Variants in ALK observed in about 807,000 individuals in gnomAD.
The protein encoded by ALK is ALK tyrosine kinase receptor.
Under a neutral mutation model 163.1 loss-of-function variants are expected in ALK, and 74 were observed. That is an observed-to-expected ratio of 0.45 (90% CI 0.38 to 0.55). The LOEUF is 0.55. Among genes scored for constraint, ALK ranks in the 20% least tolerant of loss-of-function variants. The probability of loss-of-function intolerance (pLI) is 0.00; values close to 1 mark genes in which losing one functional copy is unlikely to be tolerated. For missense variants in ALK, 2,063 were observed against 2,105.3 expected, an observed-to-expected ratio of 0.98 and a Z score of 0.39; for synonymous variants, 960 against 843.2, an observed-to-expected ratio of 1.14 and a Z score of -2.40.
At position 29,350,203 on chromosome 2, in the gene ALK, A is replaced by G. The variant is rs187117974; in HGVS notation, c.1283-21722T>C. 2.6e-5 allele frequency among the ~76,000 whole-genome samples: 4 copies of G among 152,352 alleles called. No individual in the cohort carries two copies. The East Asian group carries it at 7.7e-4, about 29-fold the overall frequency. On this transcript the variant is annotated intron_variant, in intron 5 of 28. Coordinates refer to ENST00000389048, the MANE Select transcript of ALK (RefSeq NM_004304.5). The stretch of plus-strand genomic sequence containing the variant: ...GAACTATCCTGATACATAACTCCAG[A>G]GCATTCTATGTGAGGTCTATCGGGA...
rs147591347 is a variant in ALK at position 29,728,977 on chromosome 2, T to C, written c.668-11280A>G. On this transcript the variant is annotated intron_variant, in intron 1 of 28. Coordinates refer to ENST00000389048, the MANE Select transcript of ALK (RefSeq NM_004304.5). Reference sequence around the variant, plus strand: ...GCCTCCAGATCAACCTAGAAGGCCATCTAAAACTGCTACCTAAAATGGCTC... The same window carrying C: ...GCCTCCAGATCAACCTAGAAGGCCACCTAAAACTGCTACCTAAAATGGCTC... Among the ~76,000 whole-genome samples the C allele has an allele frequency of 4.9e-3, 739 of 152,266 alleles. 9 individuals carry two copies. The highest frequency in any genetic ancestry group is 0.01 in the African/African-American group (427 of 41,552).
rs547465094 is a variant in ALK, at chr2:29,909,407, C to T, written c.667+10586G>A. Among the ~76,000 whole-genome samples the T allele has an allele frequency of 2.6e-5, 4 of 151,584 alleles. No homozygotes were observed. The East Asian group carries it at 7.8e-4, about 30-fold the overall frequency. The stretch of plus-strand genomic sequence containing the variant: ...TTGGTGTCTAGAAAGGCTGAAGCAG[C>T]TCGAATTTCCAGGGAGCAAACCAGA... On this transcript the variant is annotated intron_variant, in intron 1 of 28. Coordinates refer to ENST00000389048, the MANE Select transcript of ALK (RefSeq NM_004304.5).
intron 5 of ALK, among the ~76,000 whole-genome samples, chr2:29,355,002 G>A (rs1242778400): frequency 1.3e-5 from 2 of 152,150 alleles, no homozygotes; most frequent in East Asian, 1.9e-4. Flanking sequence ...TCCTGACCTC[G>A]TGATCCACCT....
rs140542591 is a variant in ALK at position 29,919,894 on chromosome 2, G to A, written c.667+99C>T. On this transcript the variant is annotated intron_variant, in intron 1 of 28. Coordinates refer to ENST00000389048, the MANE Select transcript of ALK (RefSeq NM_004304.5). The stretch of plus-strand genomic sequence containing the variant: ...AGGAGGGCGATGAAGCAGAGCTGAG[G>A]TTTTAGAAAGTGGGGTGGAAGTGAA... 4,151 of 1,443,466 alleles carry A rather than the reference G, an allele frequency of 2.9e-3. 78 individuals carry two copies. The African/African-American group carries it at 0.048, about 17-fold the overall frequency. The allele number at this position is 1,443,466 out of a possible 1,614,324, so 89.4% of individuals were successfully genotyped here.
chr2:29,289,656 G>A (rs774141177), intron 9 of ALK, among the ~76,000 whole-genome samples: 4 of 152,200 alleles, frequency 2.6e-5, no homozygotes, highest in Non-Finnish European at 4.4e-5. Flanking sequence ...CCTCGCGAGA[G>A]GCAGGTGAGA....
chr2:29,672,545 A>C (rs1677735093), intron 3 of ALK, among the ~76,000 whole-genome samples: 3 of 150,076 alleles, frequency 2.0e-5, no homozygotes, highest in Non-Finnish European at 4.4e-5. Context: ...CATGGTGTAT[A>C]TGTGCCACAT....
intron 1 of ALK, among the ~76,000 whole-genome samples, chr2:29,782,714 A>G (rs1370530564): frequency 2.6e-5 from 4 of 152,200 alleles, no homozygotes; most frequent in Non-Finnish European, 5.9e-5. Context: ...TCGAGCAGTT[A>G]GGCTTTGAAG....
Position 29,665,751 on chromosome 2 carries a change from A to G in ALK, c.952+29099T>C, listed in dbSNP as rs550316192. Among the ~76,000 whole-genome samples, 20 of 152,244 alleles carry G rather than the reference A, an allele frequency of 1.3e-4. 1 individual carries two copies. Among genetic ancestry groups the G allele is most frequent in the Non-Finnish European group, 2.9e-5 (2 of 68,010 alleles). On this transcript the variant is annotated intron_variant, in intron 3 of 28. Coordinates refer to ENST00000389048, the MANE Select transcript of ALK (RefSeq NM_004304.5). ...GGCCTACTTGATATTGTTTGCTTCA[A>G]CAGGGCTTCCCCTGGGACCCAGAAT...
At chr2:29,830,734 A>C (rs1223279099) in intron 1 of ALK, among the ~76,000 whole-genome samples, 7 of 131,684 alleles carry the variant, frequency 5.3e-5, no homozygotes, top group African/African-American at 1.5e-4. Flanking sequence ...AAAAAAAAAA[A>C]AAAAAAAAAA....
At chr2:29,501,478 C>T (rs1441116608) in intron 4 of ALK, among the ~76,000 whole-genome samples, 1 of 152,198 alleles carries the variant, frequency 6.6e-6, no homozygotes, top group Non-Finnish European at 1.5e-5. Context: ...TGCAAATTCT[C>T]ACCACTCTTC....
Position 29,920,964 on chromosome 2 carries a change from C to A in ALK, c.-305G>T. On this transcript the variant is annotated 5_prime_UTR_variant, in exon 1 of 29. Coordinates refer to ENST00000389048, the MANE Select transcript of ALK (RefSeq NM_004304.5). Reference sequence around the variant, plus strand: ...CCGAGTGCCGCGCCCCCGTCTGTAGCTCGCTGCGCTCGGTACAGAGGAACT... The same window carrying A: ...CCGAGTGCCGCGCCCCCGTCTGTAGATCGCTGCGCTCGGTACAGAGGAACT... 2.1e-6 allele frequency: 1 copy of A among 480,382 alleles called. No individual in the cohort carries two copies. The highest frequency in any genetic ancestry group is 2.6e-5 in the South Asian group (1 of 37,852). The allele number at this position is 480,382 out of a possible 1,614,324, so 29.8% of individuals were successfully genotyped here.
At chr2:29,776,651 G>T (rs1330584733) in intron 1 of ALK, among the ~76,000 whole-genome samples, 1 of 152,146 alleles carries the variant, frequency 6.6e-6, no homozygotes, top group African/African-American at 2.4e-5. Context: ...TCCTGATTTT[G>T]CTGGGCATGG....
At chr2:29,814,581 A>T (rs898522245) in intron 1 of ALK, among the ~76,000 whole-genome samples, 1 of 151,700 alleles carries the variant, frequency 6.6e-6, no homozygotes, top group African/African-American at 2.4e-5. Flanking sequence ...AATGTCGTGA[A>T]CCCGGGAGGC....
intron 1 of ALK, among the ~76,000 whole-genome samples, chr2:29,823,306 G>A (rs1665101992): frequency 6.6e-6 from 1 of 152,146 alleles, no homozygotes; most frequent in Non-Finnish European, 1.5e-5. Flanking sequence ...ATTATCAGCA[G>A]CATGAAAATG....
At chr2:29,830,134 T>C (rs1665324584) in intron 1 of ALK, among the ~76,000 whole-genome samples, 1 of 152,234 alleles carries the variant, frequency 6.6e-6, no homozygotes, top group African/African-American at 2.4e-5. Flanking sequence ...AGTGAGGCTC[T>C]TGGCTGTAAA....
At chr2:29,880,795 G>A (rs1487114945) in intron 1 of ALK, among the ~76,000 whole-genome samples, 1 of 152,158 alleles carries the variant, frequency 6.6e-6, no homozygotes, top group Non-Finnish European at 1.5e-5. Context: ...GCAACCATGG[G>A]GCTATAGCCA....
intron 1 of ALK, among the ~76,000 whole-genome samples, chr2:29,841,046 T>A (rs113211067): frequency 0.013 from 1,922 of 152,302 alleles, 50 homozygotes; most frequent in African/African-American, 0.043. Context: ...AGCCTTGTGT[T>A]AGGGGATAGG....
At chr2:29,510,171 C>T (rs11904476) in intron 4 of ALK, among the ~76,000 whole-genome samples, 27,336 of 152,096 alleles carry the variant, frequency 0.18, 2,916 homozygotes, top group East Asian at 0.3. Context: ...GAAGCTGACT[C>T]CATTTCTTTC....
intron 1 of ALK, among the ~76,000 whole-genome samples, chr2:29,798,811 T>A (rs575399675): frequency 1.3e-5 from 2 of 152,156 alleles, no homozygotes; most frequent in Admixed American, 6.5e-5. Flanking sequence ...AGAAGGACTC[T>A]GACCGTTCTG....
Sources: gnomAD v4.1 joint callset for allele counts (sites outside exome capture counted in the v4.1 genomes callset) on GRCh38, gnomAD v4.1.1 for gene constraint, MANE v1.5 for transcripts, NCBI Gene and HGNC (gene_info 2026-07-23, HGNC 2026-07-21) for gene names.